The following IGF1R variants were observed in gnomAD, a reference collection of about 807,000 sequenced individuals.
IGF1R encodes the protein insulin-like growth factor 1 receptor.
IGF1R carries 44 observed loss-of-function variants against 144.6 expected under a neutral mutation model. The observed-to-expected ratio is 0.30, with a 90% confidence interval of 0.24 to 0.39. IGF1R has a LOEUF of 0.39. Among genes scored for constraint, IGF1R ranks in the 10% least tolerant of loss-of-function variants. The pLI is 1.00. For synonymous variants in IGF1R, 795 were observed against 722.8 expected (o/e 1.10, Z -1.60); for missense variants, 1,355 against 1,833.7 (o/e 0.74, Z 4.77).
chr15:98,713,774 CA>C (rs568760052), intron 2 of IGF1R, among the ~76,000 whole-genome samples: 1 of 151,940 alleles, frequency 6.6e-6, no homozygotes, highest in East Asian at 1.9e-4. Flanking sequence ...CACTTTCCCA[CA>C]AAAAAAACCC....
rs148998568 is a variant in IGF1R at position 98,807,850 on chromosome 15, G to C, written c.641-83475G>C. ...TTCTGTCTGACATAGTATAAGTTTA[G>C]AGGAAACAATAGCAGCTGTAAGATA... On this transcript the variant is annotated intron_variant, in intron 2 of 20. Coordinates refer to ENST00000650285, the MANE Select transcript of IGF1R (RefSeq NM_000875.5). 2.9e-3 allele frequency among the ~76,000 whole-genome samples: 448 copies of C among 152,294 alleles called. 10 individuals carry two copies. The highest frequency in any genetic ancestry group is 0.024 in the Admixed American group (371 of 15,298).
chr15:98,868,857 C>T (rs2012614632), intron 2 of IGF1R, among the ~76,000 whole-genome samples: 1 of 152,204 alleles, frequency 6.6e-6, no homozygotes, highest in African/African-American at 2.4e-5. Flanking sequence ...CTTCCCTTCC[C>T]TGCTAGTACC....
At chr15:98,649,751 G>A (rs1186625970) in intron 1 of IGF1R, 76 bp downstream of exon 1, 2 of 1,135,470 alleles carry the variant, frequency 1.8e-6, no homozygotes, top group Non-Finnish European at 2.6e-6. Context: ...TGCGAAACCC[G>A]AGTTGCCACC....
At chr15:98,678,776 C>T (rs186134399) in intron 1 of IGF1R, among the ~76,000 whole-genome samples, 36 of 152,206 alleles carry the variant, frequency 2.4e-4, no homozygotes, top group African/African-American at 5.1e-4. Context: ...CACCTGCCTT[C>T]GCCTCCCAAG....
intron 20 of IGF1R, among the ~76,000 whole-genome samples, chr15:98,951,963 A>G (rs2016792216): frequency 6.6e-6 from 1 of 152,194 alleles, no homozygotes; most frequent in Non-Finnish European, 1.5e-5. Flanking sequence ...TGAATTCCAC[A>G]TCATCCCTGT....
intron 2 of IGF1R, among the ~76,000 whole-genome samples, chr15:98,755,010 G>C (rs755482754): frequency 4.6e-5 from 7 of 151,968 alleles, no homozygotes; most frequent in Admixed American, 2.6e-4. Flanking sequence ...GTGTATATCT[G>C]GTCTCTTTAA....
intron 2 of IGF1R, among the ~76,000 whole-genome samples, chr15:98,770,382 G>A (rs1212861998): frequency 6.6e-6 from 1 of 152,198 alleles, no homozygotes; most frequent in African/African-American, 2.4e-5. Context: ...CAAACATTCA[G>A]TTAGATAGAG....
At chr15:98,764,079 G>C (rs887146607) in intron 2 of IGF1R, among the ~76,000 whole-genome samples, 10 of 152,206 alleles carry the variant, frequency 6.6e-5, no homozygotes, top group African/African-American at 1.7e-4. Context: ...TGTGAGGGCT[G>C]TATTAGCAAT....
chr15:98,791,168 A>G (rs1314560951), intron 2 of IGF1R, among the ~76,000 whole-genome samples: 3 of 152,228 alleles, frequency 2.0e-5, no homozygotes, highest in African/African-American at 7.2e-5. Flanking sequence ...AAATGTTAAG[A>G]CATATTCTTT....
At chr15:98,930,122 G>C (rs2015882012) in intron 14 of IGF1R, 113 bp from the exon 15 acceptor site, 4 of 795,604 alleles carry the variant, frequency 5.0e-6, no homozygotes, top group South Asian at 1.5e-5. Flanking sequence ...TCCCCATTCT[G>C]TTCTGATACC....
At chr15:98,926,580 T>C (rs771326988) in intron 13 of IGF1R, among the ~76,000 whole-genome samples, 9 of 152,228 alleles carry the variant, frequency 5.9e-5, no homozygotes, top group Non-Finnish European at 1.0e-4. Context: ...TTTTTATTTG[T>C]ATATTAAAAT....
intron 9 of IGF1R, 71 bp downstream of exon 9, chr15:98,916,202 C>G (rs1035580240): frequency 7.1e-7 from 1 of 1,414,512 alleles, no homozygotes; most frequent in Non-Finnish European, 1.0e-6. Flanking sequence ...TGCCTGAGCC[C>G]TAATATTACA....
At chr15:98,954,339 C>A (rs2016894789) in intron 20 of IGF1R, 1 of 151,290 alleles carries the variant, frequency 6.6e-6, no homozygotes, top group Middle Eastern at 3.4e-3. Flanking sequence ...ATGTGTCCCC[C>A]AAAGGGGAGA....
chr15:98,789,977 G>A (rs1038730681), intron 2 of IGF1R, among the ~76,000 whole-genome samples: 3 of 152,292 alleles, frequency 2.0e-5, no homozygotes, highest in Middle Eastern at 3.4e-3. Context: ...CTTAGCCAAA[G>A]GAAATGTACA....
At chr15:98,954,776 A>AT (rs1445571755) in intron 20 of IGF1R, among the ~76,000 whole-genome samples, 4 of 152,230 alleles carry the variant, frequency 2.6e-5, no homozygotes, top group Non-Finnish European at 4.4e-5. Flanking sequence ...GCCTATTTTA[A>AT]TTTTTTTAAC....
intron 2 of IGF1R, among the ~76,000 whole-genome samples, chr15:98,853,337 A>G (rs774544854): frequency 6.6e-6 from 1 of 152,158 alleles, no homozygotes; most frequent in Non-Finnish European, 1.5e-5. Flanking sequence ...CGTAGTGGAC[A>G]TGAATTATTT....
chr15:98,779,041 T>C (rs1291633222), intron 2 of IGF1R, among the ~76,000 whole-genome samples: 11 of 152,212 alleles, frequency 7.2e-5, no homozygotes, highest in African/African-American at 2.2e-4. Context: ...TATGTTTTAT[T>C]CTTACTAGCA....
In IGF1R at chr15:98,957,269, T is replaced by TCGTCCTCCC. The variant is rs766700950; in HGVS notation, c.3932_3940dup (p.Ser1313_Leu1314insProSerSer). ...CGTCCCCCTGGACCCCTCGGCCTCC[T>TCGTCCTCCC]CGTCCTCCCTGCCACTGCCCGACAG... On this transcript the variant is annotated inframe_insertion, in exon 21 of 21. Coordinates refer to ENST00000650285, the MANE Select transcript of IGF1R (RefSeq NM_000875.5). 1.2e-6 allele frequency: 2 copies of TCGTCCTCCC among 1,613,974 alleles called. No individual in the cohort carries two copies. The highest frequency in any genetic ancestry group is 2.2e-5 in the East Asian group (1 of 44,872).
chr15:98,745,251 T>A lies in IGF1R; in HGVS notation c.640+37144T>A, dbSNP rs371655111. On this transcript the variant is annotated intron_variant, in intron 2 of 20. Coordinates refer to ENST00000650285, the MANE Select transcript of IGF1R (RefSeq NM_000875.5). ...ATTATACTTTGTTACACTCTTGATA[T>A]TACAAAATGATGGCCATGCCTTTAT... Among the ~76,000 whole-genome samples, 238 of 152,356 alleles carry A rather than the reference T, an allele frequency of 1.6e-3. No homozygotes were observed. The Middle Eastern group carries it at 0.024, about 15-fold the overall frequency.
Sources: gnomAD v4.1 joint callset for allele counts (sites outside exome capture counted in the v4.1 genomes callset) on GRCh38, gnomAD v4.1.1 for gene constraint, MANE v1.5 for transcripts, NCBI Gene and HGNC (gene_info 2026-07-23, HGNC 2026-07-21) for gene names.